EPHA10: variants seen among roughly 807,000 people sequenced by gnomAD.
EPHA10 encodes ephrin type-A receptor 10.
EPHA10 carries 120 observed loss-of-function variants against 109.7 expected under a neutral mutation model. The ratio of observed to expected loss-of-function variants is 1.09; its 90% confidence interval spans 0.94 to 1.27. The LOEUF (loss-of-function observed/expected upper bound fraction) is 1.27. Ranked by LOEUF, EPHA10 falls within the 50% of genes most tolerant of loss-of-function variation. EPHA10 has a pLI of 0.00. For synonymous variants in EPHA10, 640 were observed against 618.9 expected (o/e 1.03, Z -0.51); for missense variants, 1,396 against 1,411.1 (o/e 0.99, Z 0.17).
chr1:37,757,195 T>C (rs926653832), intron 3 of EPHA10, among the ~76,000 whole-genome samples: 1 of 152,192 alleles, frequency 6.6e-6, no homozygotes, highest in East Asian at 1.9e-4. Context: ...CCAGCTCTTT[T>C]ACTAATTTCT....
At position 37,716,960 on chromosome 1, in the gene EPHA10, G is replaced by T. The variant is rs1645702395; in HGVS notation, c.*1412C>A. 4.3e-6 allele frequency: 1 copy of T among 233,206 alleles called. No homozygotes were observed. The highest frequency in any genetic ancestry group is 6.0e-5 in the East Asian group (1 of 16,564). 14.4% of individuals were successfully genotyped at this position (233,206 alleles called of 1,614,324 possible). On this transcript the variant is annotated 3_prime_UTR_variant, in exon 17 of 17. Transcript: ENST00000373048. Reference sequence around the variant, plus strand: ...GTACCTGAGCTCTTCTCCTGGTCTAGTCTGAGCCCCCCAAGGGCAGGCTGT... The same window carrying T: ...GTACCTGAGCTCTTCTCCTGGTCTATTCTGAGCCCCCCAAGGGCAGGCTGT...
At chr1:37,721,284 C>T (rs1349508132) in intron 11 of EPHA10, among the ~76,000 whole-genome samples, 1 of 148,978 alleles carries the variant, frequency 6.7e-6, no homozygotes, top group African/African-American at 2.5e-5. Flanking sequence ...AAAAATTAGC[C>T]GGGCCTGGTG....
At chr1:37,722,763 GC>G (rs1645819888) in intron 10 of EPHA10, 1 of 560,384 alleles carries the variant, frequency 1.8e-6, no homozygotes, top group Non-Finnish European at 3.4e-6. Flanking sequence ...CCCCATGAAG[GC>G]CTGGGACTAA....
rs146034944 is a variant in EPHA10, at chr1:37,762,085, T to C, written c.172-2A>G. On this transcript the variant is annotated splice_acceptor_variant, in intron 2 of 16. Coordinates refer to ENST00000373048, the MANE Select transcript of EPHA10 (RefSeq NM_001099439.2). LOFTEE classifies it high-confidence loss of function. ...ATCCACGCCGCTGATCTCCTCCCAC[T>C]GGGGACAAGAGTAAAGGGGTGGGCA... The C allele has an allele frequency of 6.3e-7, 1 of 1,577,546 alleles. No homozygotes were observed. The highest frequency in any genetic ancestry group is 1.3e-5 in the African/African-American group (1 of 74,258).
chr1:37,751,547 T>G (rs1646326605), intron 5 of EPHA10, among the ~76,000 whole-genome samples: 1 of 123,992 alleles, frequency 8.1e-6, no homozygotes. Flanking sequence ...CCAGCCTGGG[T>G]GACGAGCAAA....
chr1:37,761,459 C>G lies in EPHA10; in HGVS notation c.796G>C (p.Val266Leu), dbSNP rs911369182. ...CGADGEWLVP[V>L]GRCSCSAGFQ... Reference sequence around the variant, plus strand: ...CCCGCGCTGCAGCTGCAGCGGCCCACAGGCACCAGCCACTCGCCGTCGGCG... The same window carrying G: ...CCCGCGCTGCAGCTGCAGCGGCCCAGAGGCACCAGCCACTCGCCGTCGGCG... The change falls in exon 3 of 17, where the codon GTG becomes CTG. Residue 266 changes from valine (V) to leucine (L), a missense_variant. Physicochemically the swap from Val to Leu is conservative, Grantham distance 32. Coordinates refer to ENST00000373048, the MANE Select transcript of EPHA10 (RefSeq NM_001099439.2). 2 of 1,599,384 alleles carry G rather than the reference C, an allele frequency of 1.3e-6. No homozygotes were observed. The highest frequency in any genetic ancestry group is 8.5e-7 in the Non-Finnish European group (1 of 1,179,636).
rs2014461 is a variant in EPHA10 at position 37,760,407 on chromosome 1, C to G, written c.850+998G>C. On this transcript the variant is annotated intron_variant, in intron 3 of 16. Coordinates refer to ENST00000373048, the MANE Select transcript of EPHA10 (RefSeq NM_001099439.2). ...CCTAATGCCCCCACTAGCCTGAGAA[C>G]CCAGCAAAACCCTCAACATGAAGGA... 0.019 allele frequency: 20,399 copies of G among 1,055,580 alleles called. 1,015 individuals carry two copies. In the East Asian group the frequency reaches 0.2, roughly 11 times the overall value. 65.4% of individuals were successfully genotyped at this position (1,055,580 alleles called of 1,614,324 possible). A position where few individuals can be genotyped will look rare whatever the true frequency, so the allele number is the denominator to read the frequency against.
chr1:37,723,595 A>G (rs1040204706), intron 8 of EPHA10, among the ~76,000 whole-genome samples: 2 of 152,122 alleles, frequency 1.3e-5, no homozygotes, highest in African/African-American at 4.8e-5. Flanking sequence ...CACCACCACC[A>G]TCCCTAGCTA....
intron 6 of EPHA10, among the ~76,000 whole-genome samples, chr1:37,732,731 T>C (rs897225266): frequency 4.6e-5 from 7 of 152,074 alleles, no homozygotes; most frequent in African/African-American, 1.7e-4. Flanking sequence ...GAGGTTGAGA[T>C]GAGCAGCACT....
chr1:37,725,724 G>T (rs563570321), intron 8 of EPHA10, among the ~76,000 whole-genome samples: 4 of 152,220 alleles, frequency 2.6e-5, no homozygotes, highest in African/African-American at 7.2e-5. Flanking sequence ...GGAGATGAAG[G>T]GGGGAAGGCT....
intron 6 of EPHA10, 100 bp downstream of exon 6, chr1:37,735,157 G>A (rs1646047999): frequency 2.7e-6 from 4 of 1,456,642 alleles, no homozygotes; most frequent in Admixed American, 2.0e-5. Flanking sequence ...TTTACAAAGG[G>A]AGTAACGAGG....
chr1:37,761,779 TC>T lies in EPHA10; in HGVS notation c.475del (p.Glu159ArgfsTer13), dbSNP rs781080166. 6.2e-7 allele frequency: 1 copy of T among 1,613,738 alleles called. No individual in the cohort carries two copies. Among genetic ancestry groups the T allele is most frequent in the South Asian group, 1.1e-5 (1 of 91,066 alleles). On this transcript the variant is annotated frameshift_variant, in exon 3 of 17. Transcript: ENST00000373048. LOFTEE classifies it high-confidence loss of function. Reference protein sequence around the residue: ...PRKIDTIAADESFTQGDLGER... With the variant: ...PRKIDTIAADXSFTQGDLGER... ...ACCCAGGTCGCCCTGCGTGAAGCTC[TC>T]GTCCGCCGCGATCGTGTCGATTTTG... is the stretch of plus-strand genomic sequence containing the variant.
intron 8 of EPHA10, among the ~76,000 whole-genome samples, chr1:37,724,038 G>GA (rs1242472319): frequency 6.6e-5 from 10 of 152,256 alleles, no homozygotes; most frequent in African/African-American, 9.6e-5. Context: ...TGAAGCAGAG[G>GA]AGTGCAATGA....
At chr1:37,721,606 T>C in intron 11 of EPHA10, 54 bp downstream of exon 11, 1 of 1,513,762 alleles carries the variant, frequency 6.6e-7, no homozygotes, top group African/African-American at 1.4e-5. Flanking sequence ...ACACCATCAT[T>C]TCCACCCCCC....
chr1:37,735,183 A>C, intron 6 of EPHA10, 74 bp downstream of exon 6: 1 of 1,535,536 alleles, frequency 6.5e-7, no homozygotes, highest in Non-Finnish European at 8.8e-7. Context: ...TGCTGGGAGG[A>C]TGGCCTGAAG....
chr1:37,727,098 C>CT lies in EPHA10; in HGVS notation c.1772+3dup, dbSNP rs1246074759. 6.2e-7 allele frequency: 1 copy of CT among 1,607,658 alleles called. No individual in the cohort carries two copies. Among genetic ancestry groups the CT allele is most frequent in the Non-Finnish European group, 8.5e-7 (1 of 1,176,464 alleles). On this transcript the variant is annotated splice_donor_region_variant and intron_variant, in intron 8 of 16. Coordinates refer to ENST00000373048, the MANE Select transcript of EPHA10 (RefSeq NM_001099439.2). ...AGTCACCTAGGCTGGGGCCAGCCACCTACCTCCTCCAAATGGCCAGCACAC... is the reference window on the plus strand; with the variant it reads ...AGTCACCTAGGCTGGGGCCAGCCACCTTACCTCCTCCAAATGGCCAGCACAC...
intron 4 of EPHA10, among the ~76,000 whole-genome samples, chr1:37,753,846 C>T (rs952428152): frequency 4.6e-5 from 7 of 151,878 alleles, no homozygotes; most frequent in South Asian, 2.1e-4. Context: ...AGTGAGGAAC[C>T]GAGGATGGCA....
rs55838713 is a variant in EPHA10, at chr1:37,721,835, C to T, written c.1971G>A (p.Gly657=). 2,128 of 1,593,938 alleles carry T rather than the reference C, an allele frequency of 1.3e-3. 79 individuals carry two copies. The East Asian group carries it at 0.036, about 27-fold the overall frequency. ...GCTGCAAGCAGCCACAGCACAGCTCCCCAAACCGCCCTGTGGGGAAACAGC... is the reference window on the plus strand; with the variant it reads ...GCTGCAAGCAGCCACAGCACAGCTCTCCAAACCGCCCTGTGGGGAAACAGC... ...LERSLGGGRF[G]ELCCGCLQLP... The change falls in exon 11 of 17, where the codon GGG becomes GGA. Residue 657 remains glycine (G), a synonymous_variant. Transcript: ENST00000373048.
chr1:37,753,894 C>T (rs907425270), intron 4 of EPHA10, among the ~76,000 whole-genome samples: 1 of 152,010 alleles, frequency 6.6e-6, no homozygotes, highest in African/African-American at 2.4e-5. Flanking sequence ...GGTCGGGAGC[C>T]CCCCTTTCGG....
Sources: allele counts gnomAD v4.1 joint callset (sites outside exome capture counted in the v4.1 genomes callset), GRCh38; gene constraint gnomAD v4.1.1; transcripts MANE v1.5; gene names NCBI Gene and HGNC (gene_info 2026-07-23, HGNC 2026-07-21).